KRT74: variants seen among roughly 807,000 people sequenced by gnomAD.
The protein encoded by KRT74 is keratin 74.
Under a neutral mutation model 42.7 loss-of-function variants are expected in KRT74, and 43 were observed. The observed-to-expected ratio is 1.01, with a 90% confidence interval of 0.79 to 1.30. The LOEUF (loss-of-function observed/expected upper bound fraction) is 1.30, where lower values mean the gene tolerates loss of function less well. Ranked by LOEUF, KRT74 falls within the 50% of genes most tolerant of loss-of-function variation. The pLI is 0.00. For missense variants in KRT74, 736 were observed against 689.1 expected, an observed-to-expected ratio of 1.07 and a Z score of -0.76; for synonymous variants, 302 against 279.0, an observed-to-expected ratio of 1.08 and a Z score of -0.82.
rs192311742 is a variant in KRT74, at chr12:52,572,436, G to T, written c.686+17C>A. 2 of 1,612,982 alleles carry T rather than the reference G, an allele frequency of 1.2e-6. No individual in the cohort carries two copies. Among genetic ancestry groups the T allele is most frequent in the Non-Finnish European group, 1.7e-6 (2 of 1,179,014 alleles). ...ACGGGAAACATGGTCTGTGACCCTC[G>T]GGTGGAGCCTGCTCACCTCTTCTTA... On this transcript the variant is annotated intron_variant, in intron 2 of 8. Transcript: ENST00000305620.
At chr12:52,567,572 G>A in intron 8 of KRT74, 87 bp downstream of exon 8, 2 of 964,982 alleles carry the variant, frequency 2.1e-6, no homozygotes, top group Admixed American at 3.4e-5. Context: ...AAGCTTCTTG[G>A]GAGGTGAGAC....
intron 1 of KRT74, among the ~76,000 whole-genome samples, 196 bp downstream of exon 1, chr12:52,573,111 G>A (rs1423595616): frequency 6.6e-6 from 1 of 152,044 alleles, no homozygotes; most frequent in African/African-American, 2.4e-5. Context: ...CTGCAAAATC[G>A]CCAAAGAAGC....
chr12:52,569,788 G>A, intron 6 of KRT74, 71 bp downstream of exon 6: 1 of 1,597,232 alleles, frequency 6.3e-7, no homozygotes, highest in Admixed American at 1.7e-5. Context: ...TGTTCCCAAA[G>A]GGCAGGCCCC....
intron 8 of KRT74, among the ~76,000 whole-genome samples, 186 bp downstream of exon 8, chr12:52,567,473 G>T (rs1287055143): frequency 1.3e-5 from 2 of 152,184 alleles, no homozygotes; most frequent in African/African-American, 4.8e-5. Flanking sequence ...GAAGGGAAAA[G>T]GGTGGGCATG....
Position 52,569,858 on chromosome 12 carries a change from C to G in KRT74, c.1134+1G>C. 2 of 1,614,176 alleles carry G rather than the reference C, an allele frequency of 1.2e-6. No homozygotes were observed. Among genetic ancestry groups the G allele is most frequent in the South Asian group, 2.2e-5 (2 of 91,076 alleles). ...GAGTTCTTTGTGGGGCTGCTGCCCA[C>G]CTGCTTCTTCACATTCCCGATCTCA... On this transcript the variant is annotated splice_donor_variant, in intron 6 of 8. Transcript: ENST00000305620. LOFTEE classifies it high-confidence loss of function.
Position 52,571,400 on chromosome 12 carries a change from G to A in KRT74, c.802C>T (p.Leu268=). 2 of 1,613,780 alleles carry A rather than the reference G, an allele frequency of 1.2e-6. No individual in the cohort carries two copies. Among genetic ancestry groups the A allele is most frequent in the African/African-American group, 1.3e-5 (1 of 75,034 alleles). Residue 268 remains leucine (L), a synonymous_variant, in exon 4 of 9, where the codon CTG becomes TTG. Coordinates refer to ENST00000305620, the MANE Select transcript of KRT74 (RefSeq NM_175053.4). The part of the protein sequence containing the change: ...KVELQAKVDS[L]DKEIKFLKCL... Reference sequence around the variant, plus strand: ...TTGAGGAACTTGATTTCTTTGTCCAGTGAGTCCACTTTGGCCTGAAGCTCC... The same window carrying A: ...TTGAGGAACTTGATTTCTTTGTCCAATGAGTCCACTTTGGCCTGAAGCTCC...
intron 6 of KRT74, chr12:52,569,350 A>G: frequency 3.9e-6 from 1 of 254,634 alleles, no homozygotes; most frequent in Non-Finnish European, 7.2e-6. Flanking sequence ...TGTGTCCCTC[A>G]GTCAACAGAC....
intron 6 of KRT74, 119 bp downstream of exon 6, chr12:52,569,740 G>T: frequency 7.7e-7 from 1 of 1,304,524 alleles, no homozygotes; most frequent in Non-Finnish European, 1.1e-6. Flanking sequence ...GACTGTGGGT[G>T]GCCGAGGGAC....
chr12:52,570,565 T>G, intron 5 of KRT74, 104 bp downstream of exon 5: 1 of 1,275,980 alleles, frequency 7.8e-7, no homozygotes, highest in Non-Finnish European at 1.1e-6. Flanking sequence ...GGAACCTTTC[T>G]TTCATTCAGC....
chr12:52,567,976 C>T (rs1298633121), intron 7 of KRT74, among the ~76,000 whole-genome samples, 193 bp downstream of exon 7: 1 of 152,110 alleles, frequency 6.6e-6, no homozygotes, highest in Admixed American at 6.5e-5. Flanking sequence ...GTTCTCATCA[C>T]AGCAGCACAC....
chr12:52,572,110 G>C, intron 2 of KRT74, 106 bp from the exon 3 acceptor site: 2 of 869,874 alleles, frequency 2.3e-6, no homozygotes, highest in Non-Finnish European at 4.0e-6. Flanking sequence ...AGGGTCTCTG[G>C]GGTGAGCAGT....
chr12:52,569,664 C>T, intron 6 of KRT74, 195 bp downstream of exon 6: 5 of 670,598 alleles, frequency 7.5e-6, no homozygotes, highest in South Asian at 1.8e-5. Context: ...AGGTTTGAGG[C>T]TCCTCCCAGT....
Position 52,573,383 on chromosome 12 carries a change from T to A in KRT74, c.395A>T (p.Glu132Val), listed in dbSNP as rs1939523363. The change falls in exon 1 of 9, where the codon GAG (glutamate) becomes GTG (valine). Residue 132 changes from glutamate (E) to valine (V), a missense_variant. Transcript: ENST00000305620. ...CTCCTGGGCGCGCACCTTCTGGATC[T>A]CAGGGTCCAGCTCCACGTTGAGGGG... is the stretch of plus-strand genomic sequence containing the variant. ...LAPLNVELDP[E>V]IQKVRAQERE... The A allele has an allele frequency of 1.2e-6, 2 of 1,614,208 alleles. No homozygotes were observed. Among genetic ancestry groups the A allele is most frequent in the African/African-American group, 2.7e-5 (2 of 75,062 alleles).
intron 7 of KRT74, 58 bp from the exon 8 acceptor site, chr12:52,567,751 T>C: frequency 7.1e-6 from 9 of 1,259,460 alleles, no homozygotes; most frequent in Non-Finnish European, 1.0e-5. Flanking sequence ...CCACTAAACA[T>C]CAATGGGCTC....
In KRT74 at chr12:52,569,843, T is replaced by A; in HGVS notation, c.1134+16A>T. 1 of 1,614,114 alleles carries A rather than the reference T, an allele frequency of 6.2e-7. No individual in the cohort carries two copies. Among genetic ancestry groups the A allele is most frequent in the African/African-American group, 1.3e-5 (1 of 75,054 alleles). On this transcript the variant is annotated intron_variant, in intron 6 of 8. Transcript: ENST00000305620. ...TGCTGTGGAGACCGGGAGTTCTTTGTGGGGCTGCTGCCCACCTGCTTCTTC... is the reference window on the plus strand; with the variant it reads ...TGCTGTGGAGACCGGGAGTTCTTTGAGGGGCTGCTGCCCACCTGCTTCTTC...
Position 52,568,344 on chromosome 12 carries a change from C to T in KRT74, c.1180G>A (p.Asp394Asn). Residue 394 changes from aspartate to asparagine, a missense_variant, in exon 7 of 9, where the codon GAC (aspartate) becomes AAC (asparagine). Asp to Asn is a conservative substitution (Grantham distance 23). Transcript: ENST00000305620. ...TAIADAEQRGDNALKDAQAKL... is the reference protein window; with the variant it reads ...TAIADAEQRGNNALKDAQAKL... Reference sequence around the variant, plus strand: ...GCCTGGGCATCCTTCAGGGCATTGTCTCCCCGCTGCTCAGCGTCAGCGATG... The same window carrying T: ...GCCTGGGCATCCTTCAGGGCATTGTTTCCCCGCTGCTCAGCGTCAGCGATG... 1 of 1,614,256 alleles carries T rather than the reference C, an allele frequency of 6.2e-7. No homozygotes were observed. Among genetic ancestry groups the T allele is most frequent in the South Asian group, 1.1e-5 (1 of 91,078 alleles).
Position 52,573,393 on chromosome 12 carries a change from G to A in KRT74, c.385C>T (p.Leu129=). 2 of 1,614,228 alleles carry A rather than the reference G, an allele frequency of 1.2e-6. No individual in the cohort carries two copies. The highest frequency in any genetic ancestry group is 1.1e-5 in the South Asian group (1 of 91,084). ...CGCACCTTCTGGATCTCAGGGTCCA[G>A]CTCCACGTTGAGGGGGGCCAAGAGG... ...KSLLAPLNVE[L]DPEIQKVRAQ... Residue 129 remains leucine (L), a synonymous_variant, in exon 1 of 9, where the codon CTG becomes TTG. Coordinates refer to ENST00000305620, the MANE Select transcript of KRT74 (RefSeq NM_175053.4).
At chr12:52,571,097 G>C (rs958670458) in intron 4 of KRT74, among the ~76,000 whole-genome samples, 1 of 152,212 alleles carries the variant, frequency 6.6e-6, no homozygotes, top group Non-Finnish European at 1.5e-5. Context: ...AGAATCCAAG[G>C]CTCTGTGCTT....
chr12:52,568,626 G>A (rs892589100), intron 6 of KRT74: 21 of 587,432 alleles, frequency 3.6e-5, no homozygotes, highest in East Asian at 2.3e-4. Context: ...AAGAAATGTC[G>A]ATGTTTGCAA....
Sources: gnomAD v4.1 joint callset for allele counts (sites outside exome capture counted in the v4.1 genomes callset) on GRCh38, gnomAD v4.1.1 for gene constraint, MANE v1.5 for transcripts, NCBI Gene and HGNC (gene_info 2026-07-23, HGNC 2026-07-21) for gene names.